Variants in NDUFAF6 observed in about 807,000 individuals in gnomAD.
NDUFAF6 encodes the protein NADH:ubiquinone oxidoreductase complex assembly factor 6.
NDUFAF6 carries 45 observed loss-of-function variants against 40.8 expected under a neutral mutation model. The observed-to-expected ratio is 1.10, with a 90% CI of 0.87 to 1.42. The LOEUF (loss-of-function observed/expected upper bound fraction) is 1.42, where lower values mean the gene tolerates loss of function less well. Among genes scored for constraint, NDUFAF6 ranks in the 40% most tolerant of loss-of-function variants. The pLI, the probability that NDUFAF6 is intolerant of heterozygous loss-of-function variation, is 0.00. For synonymous variants in NDUFAF6, 185 were observed against 155.9 expected (o/e 1.19, Z -1.39); for missense variants, 435 against 418.5 (o/e 1.04, Z -0.34).
At chr8:94,939,839 A>C in intron 1 of NDUFAF6, 1 of 1,598,870 alleles carries the variant, frequency 6.3e-7, no homozygotes, top group Non-Finnish European at 8.5e-7. Flanking sequence ...GCCTACAGAG[A>C]GTTAAATACT....
At chr8:95,050,369 G>C (rs1038929327) in intron 7 of NDUFAF6, among the ~76,000 whole-genome samples, 1 of 152,210 alleles carries the variant, frequency 6.6e-6, no homozygotes. Flanking sequence ...GGATTGAAGA[G>C]ATTATGGAGT....
intron 1 of NDUFAF6, among the ~76,000 whole-genome samples, chr8:94,972,735 T>TAAAAAAAAAA (rs558408157): frequency 7.5e-6 from 1 of 132,728 alleles, no homozygotes; most frequent in Non-Finnish European, 1.6e-5. Flanking sequence ...TACTGAAACT[T>TAAAAAAAAAA]AAAAAAAAAA....
chr8:94,937,003 C>A (rs1586720662), intron 1 of NDUFAF6, among the ~76,000 whole-genome samples: 1 of 152,194 alleles, frequency 6.6e-6, no homozygotes, highest in East Asian at 1.9e-4. Flanking sequence ...TGCTGGTAGC[C>A]CTGGGGAGCT....
chr8:95,043,906 A>G (rs1830426773), intron 4 of NDUFAF6, among the ~76,000 whole-genome samples: 1 of 152,236 alleles, frequency 6.6e-6, no homozygotes, highest in Non-Finnish European at 1.5e-5. Context: ...CCCAAGATAA[A>G]TGAAAACATA....
downstream of NDUFAF6, among the ~76,000 whole-genome samples, chr8:95,108,398 A>G (rs1022280134): frequency 6.6e-6 from 1 of 152,226 alleles, no homozygotes; most frequent in Non-Finnish European, 1.5e-5. Flanking sequence ...ATTCTGATAC[A>G]TGCCATATTA....
At chr8:94,957,774 C>G (rs1563747740), upstream of NDUFAF6, among the ~76,000 whole-genome samples, 1 of 152,180 alleles carries the variant, frequency 6.6e-6, no homozygotes, top group Admixed American at 6.5e-5. Flanking sequence ...CATCTGAACC[C>G]CCGGGCCACC....
At chr8:94,947,221 G>A (rs992694161) in intron 2 of NDUFAF6, among the ~76,000 whole-genome samples, 1 of 150,296 alleles carries the variant, frequency 6.7e-6, no homozygotes, top group Non-Finnish European at 1.5e-5. Flanking sequence ...ATGGGTCTAC[G>A]AACTTCAGAA....
intron 2 of NDUFAF6, among the ~76,000 whole-genome samples, chr8:95,032,440 A>G (rs1234828980): frequency 6.6e-6 from 1 of 152,222 alleles, no homozygotes; most frequent in Non-Finnish European, 1.5e-5. Context: ...ATTTACATGT[A>G]TATAGCAGTT....
At chr8:95,094,955 G>C (rs924373469) in intron 2 of NDUFAF6, among the ~76,000 whole-genome samples, 1 of 150,036 alleles carries the variant, frequency 6.7e-6, no homozygotes, top group Non-Finnish European at 1.5e-5. Context: ...GGGTGGCGGG[G>C]GGTGTCTCAC....
At chr8:95,047,666 C>T (rs888193148) in intron 6 of NDUFAF6, among the ~76,000 whole-genome samples, 1 of 151,624 alleles carries the variant, frequency 6.6e-6, no homozygotes, top group African/African-American at 2.4e-5. Context: ...CCCGCCACCA[C>T]GCCCAGCTAA....
chr8:95,105,505 G>A (rs1360989320), downstream of NDUFAF6, among the ~76,000 whole-genome samples: 1 of 151,958 alleles, frequency 6.6e-6, no homozygotes, highest in Non-Finnish European at 1.5e-5. Flanking sequence ...GATTACAGGT[G>A]CGTGCCACCA....
At chr8:95,081,403 C>T (rs71504377) in intron 2 of NDUFAF6, among the ~76,000 whole-genome samples, 18,532 of 151,916 alleles carry the variant, frequency 0.12, 1,348 homozygotes, top group Middle Eastern at 0.22. Context: ...GTCCTGACCT[C>T]AGGTGATCTG....
At chr8:95,108,532 A>G (rs145131374) in intron 4 of NDUFAF6, among the ~76,000 whole-genome samples, 83 of 152,312 alleles carry the variant, frequency 5.4e-4, no homozygotes, top group African/African-American at 1.9e-3. Context: ...AAAGTAGAAC[A>G]GTGCTTACCA....
At chr8:94,981,698 A>G (rs1408056846) in intron 2 of NDUFAF6, among the ~76,000 whole-genome samples, 2 of 152,200 alleles carry the variant, frequency 1.3e-5, no homozygotes, top group African/African-American at 4.8e-5. Flanking sequence ...TTTGCTTTAA[A>G]AGAGAACTAG....
At chr8:94,979,827 G>C (rs1825266580) in intron 1 of NDUFAF6, among the ~76,000 whole-genome samples, 1 of 152,224 alleles carries the variant, frequency 6.6e-6, no homozygotes. Flanking sequence ...GGGCACCATG[G>C]CTTACGCCTG....
downstream of NDUFAF6, among the ~76,000 whole-genome samples, chr8:95,117,618 C>T (rs1810162538): frequency 6.6e-6 from 1 of 152,180 alleles, no homozygotes; most frequent in Non-Finnish European, 1.5e-5. Context: ...ACCAGTGTAT[C>T]ATTTTTTCTC....
In NDUFAF6 at chr8:94,943,547, C is replaced by G. The variant is rs116050457; in HGVS notation, c.-935-1936C>G. 3.8e-3 allele frequency among the ~76,000 whole-genome samples: 586 copies of G among 152,290 alleles called. 6 individuals are homozygous for G. Among genetic ancestry groups the G allele is most frequent in the African/African-American group, 0.014 (568 of 41,558 alleles). On this transcript the variant is annotated intron_variant, in intron 1 of 14. Transcript: ENST00000396113. ...GGCTGAAGAAATGCACCTCACTAAT[C>G]ACCACCTCTTTTTATCACAAGCATC...
chr8:94,964,321 T>C (rs1314080065), intron 1 of NDUFAF6, among the ~76,000 whole-genome samples: 1 of 150,410 alleles, frequency 6.6e-6, no homozygotes, highest in African/African-American at 2.4e-5. Context: ...CCCAGCTACT[T>C]GGGAGGTTGA....
At chr8:94,967,859 C>T (rs1459527589) in intron 1 of NDUFAF6, among the ~76,000 whole-genome samples, 1 of 151,482 alleles carries the variant, frequency 6.6e-6, no homozygotes, top group Non-Finnish European at 1.5e-5. Context: ...GAGAATCGTT[C>T]GAACCTGCGA....
Sources: allele counts gnomAD v4.1 joint callset (sites outside exome capture counted in the v4.1 genomes callset), GRCh38; gene constraint gnomAD v4.1.1; transcripts MANE v1.5; gene names NCBI Gene and HGNC (gene_info 2026-07-23, HGNC 2026-07-21).